IL1RL1: variants seen among roughly 807,000 people sequenced by gnomAD.
The protein encoded by IL1RL1 is interleukin 1 receptor like 1.
Under a neutral mutation model 50.9 loss-of-function variants are expected in IL1RL1, and 32 were observed. The observed-to-expected ratio is 0.63, with a 90% CI of 0.47 to 0.84. The LOEUF is 0.84. IL1RL1 is among the 40% of genes least tolerant of loss of function. IL1RL1 has a pLI of 0.00. For synonymous variants in IL1RL1, 275 were observed against 236.0 expected, an observed-to-expected ratio of 1.17 and a Z score of -1.51; for missense variants, 773 against 662.9, an observed-to-expected ratio of 1.17 and a Z score of -1.82.
At chr2:102,343,789 A>C in intron 8 of IL1RL1, 1 of 1,110,602 alleles carries the variant, frequency 9.0e-7, no homozygotes. Context: ...TATAACTTGC[A>C]TTACATGTTG....
rs148002691 is a variant in IL1RL1 at position 102,325,777 on chromosome 2, C to T, written c.-149-12339C>T. 4.8e-3 allele frequency among the ~76,000 whole-genome samples: 729 copies of T among 152,054 alleles called. 5 individuals carry two copies. The highest frequency in any genetic ancestry group is 0.017 in the African/African-American group (690 of 41,472). On this transcript the variant is annotated intron_variant, in intron 1 of 10. Transcript: ENST00000233954. ...GTGACGGAAGATCAAATGAATGAAA[C>T]GAAGTGAGAAGAGAAGTTTAGAGAA...
intron 1 of IL1RL1, among the ~76,000 whole-genome samples, chr2:102,320,714 C>G (rs949621081): frequency 2.0e-5 from 3 of 152,156 alleles, no homozygotes; most frequent in African/African-American, 7.2e-5. Context: ...CATATCCTGT[C>G]CATCAAGAAG....
At chr2:102,334,312 G>A (rs1677251235) in intron 1 of IL1RL1, among the ~76,000 whole-genome samples, 1 of 152,104 alleles carries the variant, frequency 6.6e-6, no homozygotes, top group African/African-American at 2.4e-5. Flanking sequence ...GGAGGATTGG[G>A]TGAAGCAAGA....
chr2:102,330,702 T>C (rs919880547), intron 1 of IL1RL1, among the ~76,000 whole-genome samples: 30 of 152,226 alleles, frequency 2.0e-4, no homozygotes, highest in Non-Finnish European at 4.0e-4. Context: ...TAGATACAAG[T>C]CTTTCATCTG....
At chr2:102,343,726 T>C in intron 8 of IL1RL1, 1 of 1,270,996 alleles carries the variant, frequency 7.9e-7, no homozygotes, top group Non-Finnish European at 1.0e-6. Context: ...TCACTGTATG[T>C]GAAAGGAAAT....
chr2:102,334,270 G>A (rs1426677468), intron 1 of IL1RL1, among the ~76,000 whole-genome samples: 2 of 152,076 alleles, frequency 1.3e-5, no homozygotes, highest in Non-Finnish European at 2.9e-5. Context: ...TTTGATAATA[G>A]CCATTCAGAC....
rs1261425331 is a variant in IL1RL1, at chr2:102,342,227, G to A, written c.615G>A (p.Glu205=). 11 of 1,606,816 alleles carry A rather than the reference G, an allele frequency of 6.8e-6. No homozygotes were observed. The highest frequency in any genetic ancestry group is 2.7e-5 in the African/African-American group (2 of 74,722). ...TATRSFTVKD[E]QGFSLFPVIG... ...ATATTTCTTTTTGTCTTTAAGATGA[G>A]CAAGGCTTTTCTCTGTTTCCAGTAA... is the stretch of plus-strand genomic sequence containing the variant. Residue 205 remains glutamate (E), a synonymous_variant, in exon 6 of 11, where the codon GAG becomes GAA. Coordinates refer to ENST00000233954, the MANE Select transcript of IL1RL1 (RefSeq NM_016232.5).
At chr2:102,349,654 C>A (rs1677878479) in intron 10 of IL1RL1, among the ~76,000 whole-genome samples, 1 of 152,184 alleles carries the variant, frequency 6.6e-6, no homozygotes, top group Non-Finnish European at 1.5e-5. Context: ...CTTAAAAGTA[C>A]TCAGAGAGTC....
chr2:102,319,817 A>C (rs1676785929), intron 1 of IL1RL1, among the ~76,000 whole-genome samples: 1 of 152,026 alleles, frequency 6.6e-6, no homozygotes, highest in Admixed American at 6.6e-5. Context: ...GCCTCCCAAG[A>C]AGCTGGGACC....
At chr2:102,330,366 G>T (rs765705665) in intron 1 of IL1RL1, among the ~76,000 whole-genome samples, 1 of 152,002 alleles carries the variant, frequency 6.6e-6, no homozygotes, top group Non-Finnish European at 1.5e-5. Flanking sequence ...GGGAGGCATA[G>T]CATTAGGAGA....
rs759690911 is a variant in IL1RL1, at chr2:102,351,794, A to C, written c.1544A>C (p.Asp515Ala). The C allele has an allele frequency of 2.5e-6, 4 of 1,613,908 alleles. No homozygotes were observed. The highest frequency in any genetic ancestry group is 3.4e-6 in the Non-Finnish European group (4 of 1,179,974). ...KVQGTIKWRE[D>A]HIANKRSLNS... Reference sequence around the variant, plus strand: ...CAGGGGACCATCAAGTGGAGGGAGGACCACATTGCCAATAAAAGGTCCCTG... The same window carrying C: ...CAGGGGACCATCAAGTGGAGGGAGGCCCACATTGCCAATAAAAGGTCCCTG... Residue 515 changes from aspartate (D) to alanine (A), a missense_variant, in exon 11 of 11, where the codon GAC becomes GCC. Asp to Ala is a moderately radical substitution (Grantham distance 126, BLOSUM62 -2). Coordinates refer to ENST00000233954, the MANE Select transcript of IL1RL1 (RefSeq NM_016232.5).
At chr2:102,311,752 A>T (rs1559591747) in intron 1 of IL1RL1, 129 bp downstream of exon 1, 1 of 123,540 alleles carries the variant, frequency 8.1e-6, no homozygotes, top group Non-Finnish European at 1.6e-5. Flanking sequence ...ATGTTATAAT[A>T]ATATATAATA....
chr2:102,344,054 G>A (rs1677689432), intron 8 of IL1RL1: 3 of 320,744 alleles, frequency 9.4e-6, no homozygotes, highest in South Asian at 2.4e-4. Context: ...GAAGCATGGC[G>A]GCATCTGCTT....
chr2:102,315,216 C>T (rs1439127337), intron 1 of IL1RL1, among the ~76,000 whole-genome samples: 1 of 152,110 alleles, frequency 6.6e-6, no homozygotes, highest in African/African-American at 2.4e-5. Flanking sequence ...GGGTGTATGC[C>T]GTGGGGAAAA....
At chr2:102,351,127 A>C (rs6749114) in intron 10 of IL1RL1, among the ~76,000 whole-genome samples, 68,668 of 152,030 alleles carry the variant, frequency 0.45, 17,737 homozygotes, top group African/African-American at 0.7. Context: ...TGAGTTTGTG[A>C]TTTTTAATAT....
At chr2:102,340,625 G>A in intron 4 of IL1RL1, 41 bp from the exon 5 acceptor site, 1 of 1,565,734 alleles carries the variant, frequency 6.4e-7, no homozygotes. Flanking sequence ...ATAAATAAAA[G>A]TGAAGAATTA....
intron 1 of IL1RL1, among the ~76,000 whole-genome samples, chr2:102,326,250 C>A (rs1252782181): frequency 6.6e-6 from 1 of 152,150 alleles, no homozygotes; most frequent in Non-Finnish European, 1.5e-5. Context: ...TCTAGCCAAA[C>A]TAAGCTTCAT....
intron 1 of IL1RL1, among the ~76,000 whole-genome samples, chr2:102,328,985 C>A (rs949279714): frequency 6.6e-6 from 1 of 152,168 alleles, no homozygotes; most frequent in Admixed American, 6.5e-5. Flanking sequence ...TTGGAAAAAA[C>A]TACTTTAAAG....
chr2:102,345,135 G>A (rs1573159865), intron 8 of IL1RL1: 3 of 874,758 alleles, frequency 3.4e-6, no homozygotes, highest in East Asian at 2.4e-4. Context: ...TGATAAAGCT[G>A]TCTACAAGTC....
Sources: gnomAD v4.1 joint callset for allele counts (sites outside exome capture counted in the v4.1 genomes callset) on GRCh38, gnomAD v4.1.1 for gene constraint, MANE v1.5 for transcripts, NCBI Gene and HGNC (gene_info 2026-07-23, HGNC 2026-07-21) for gene names.